Variants in CAPSL observed in about 807,000 individuals in gnomAD.
CAPSL encodes calcyphosine like, also known as calcyphosin-like protein.
A neutral mutation model predicts 21.3 loss-of-function variants in CAPSL; 17 were observed. The ratio of observed to expected loss-of-function variants is 0.80; its 90% CI spans 0.55 to 1.20. The LOEUF is 1.20. Ranked by LOEUF, CAPSL falls within the 50% of genes most tolerant of loss-of-function variation. CAPSL has a pLI of 0.00. For missense variants in CAPSL, 289 were observed against 259.3 expected, an observed-to-expected ratio of 1.11 and a Z score of -0.79; for synonymous variants, 102 against 89.3, an observed-to-expected ratio of 1.14 and a Z score of -0.80.
chr5:35,928,724 G>A (rs1738746626), intron 1 of CAPSL, among the ~76,000 whole-genome samples: 1 of 152,148 alleles, frequency 6.6e-6, no homozygotes, highest in African/African-American at 2.4e-5. Context: ...TAGAGGCCAG[G>A]GATGCTGCTA....
At chr5:35,916,409 C>G (rs1420861220) in intron 2 of CAPSL, among the ~76,000 whole-genome samples, 3 of 152,176 alleles carry the variant, frequency 2.0e-5, no homozygotes, top group Non-Finnish European at 4.4e-5. Context: ...ATTGCCAAGA[C>G]AATCCTAAGA....
chr5:35,926,725 G>A (rs977830534), intron 1 of CAPSL, among the ~76,000 whole-genome samples: 1 of 152,174 alleles, frequency 6.6e-6, no homozygotes, highest in Non-Finnish European at 1.5e-5. Context: ...AAACACAGAA[G>A]GGGATCTTAT....
intron 2 of CAPSL, among the ~76,000 whole-genome samples, chr5:35,918,212 G>A (rs1462618582): frequency 2.0e-5 from 3 of 152,112 alleles, no homozygotes; most frequent in African/African-American, 7.2e-5. Flanking sequence ...CAACTCAAAT[G>A]TCCATCAATG....
At chr5:35,917,051 C>G (rs935060210) in intron 2 of CAPSL, among the ~76,000 whole-genome samples, 1 of 152,100 alleles carries the variant, frequency 6.6e-6, no homozygotes, top group African/African-American at 2.4e-5. Context: ...AAAAAGTGGG[C>G]AAAGGATATG....
intron 2 of CAPSL, among the ~76,000 whole-genome samples, chr5:35,915,244 G>A (rs570594558): frequency 1.2e-3 from 182 of 152,298 alleles, no homozygotes; most frequent in African/African-American, 4.2e-3. Context: ...AAACAGTCCA[G>A]GACCAGAAGG....
chr5:35,933,233 G>A (rs1279888307), intron 1 of CAPSL, among the ~76,000 whole-genome samples: 3 of 152,104 alleles, frequency 2.0e-5, no homozygotes, highest in African/African-American at 4.8e-5. Context: ...CTGCTAAAAG[G>A]GTGGCCTGTG....
intron 1 of CAPSL, among the ~76,000 whole-genome samples, chr5:35,934,559 G>T (rs700171): frequency 1.8e-4 from 28 of 152,320 alleles, no homozygotes; most frequent in East Asian, 1.4e-3. Context: ...AAGATCAGAG[G>T]AGAGGAGGAG....
intron 2 of CAPSL, among the ~76,000 whole-genome samples, chr5:35,918,135 C>T (rs1037652473): frequency 6.6e-6 from 1 of 152,162 alleles, no homozygotes; most frequent in Non-Finnish European, 1.5e-5. Context: ...ATAGATCTTT[C>T]TACTGTAAAG....
chr5:35,938,202 A>T (rs923785325), intron 1 of CAPSL, among the ~76,000 whole-genome samples: 1 of 152,216 alleles, frequency 6.6e-6, no homozygotes, highest in Non-Finnish European at 1.5e-5. Flanking sequence ...GGTCATCAGG[A>T]TCGTTAGAGC....
At position 35,921,008 on chromosome 5, in the gene CAPSL, G is replaced by A. The variant is rs772171488; in HGVS notation, c.113C>T (p.Ser38Phe). 1.9e-6 allele frequency: 3 copies of A among 1,613,958 alleles called. No individual in the cohort carries two copies. In the African/African-American group the frequency reaches 4.0e-5, roughly 22 times the overall value. ...CCTGCCAAGTCCTTTGATCCCAGCA[G>A]AGCCCCTGGCCAGGCACTGCAGTCG... ...RLRLQCLARG[S>F]AGIKGLGRVF... Residue 38 changes from serine to phenylalanine, a missense_variant, in exon 2 of 5, where the codon TCT (serine) becomes TTT (phenylalanine). By Grantham distance (155) the Ser-to-Phe change is radical (BLOSUM62 -2). Coordinates refer to ENST00000651391, the MANE Select transcript of CAPSL (RefSeq NM_001042625.2).
chr5:35,929,277 T>C (rs928214329), intron 1 of CAPSL, among the ~76,000 whole-genome samples: 6 of 121,104 alleles, frequency 5.0e-5, no homozygotes, highest in African/African-American at 1.7e-4. Flanking sequence ...TGAAAACAGT[T>C]CCTTTTTTTT....
At position 35,910,520 on chromosome 5, in the gene CAPSL, T is replaced by C. The variant is rs1738189541; in HGVS notation, c.161A>G (p.Asp54Gly). 1 of 1,608,600 alleles carries C rather than the reference T, an allele frequency of 6.2e-7. No individual in the cohort carries two copies. The highest frequency in any genetic ancestry group is 8.5e-7 in the Non-Finnish European group (1 of 1,176,314). The change falls in exon 3 of 5, where the codon GAT becomes GGT. Residue 54 changes from aspartate (D) to glycine (G), a missense_variant. Physicochemically the swap from Asp to Gly is moderately conservative, Grantham distance 94 (BLOSUM62 -1). Coordinates refer to ENST00000651391, the MANE Select transcript of CAPSL (RefSeq NM_001042625.2). ...TTTAAAATCAAGGGTTCGATTATTA[T>C]CGTCATCCATAATTCTAAACACTCT... ...LGRVFRIMDD[D>G]NNRTLDFKEF...
chr5:35,924,197 G>A (rs979842232), intron 1 of CAPSL, among the ~76,000 whole-genome samples: 3 of 152,162 alleles, frequency 2.0e-5, no homozygotes, highest in Non-Finnish European at 4.4e-5. Flanking sequence ...ATGACTCACA[G>A]TAATCCACAT....
intron 2 of CAPSL, among the ~76,000 whole-genome samples, chr5:35,919,223 C>T (rs569997262): frequency 1.4e-5 from 2 of 146,430 alleles, no homozygotes; most frequent in African/African-American, 5.1e-5. Flanking sequence ...ATCTCAGGAA[C>T]GGATAGCATT....
chr5:35,932,026 G>A (rs963627994), intron 1 of CAPSL, among the ~76,000 whole-genome samples: 7 of 152,154 alleles, frequency 4.6e-5, no homozygotes, highest in Non-Finnish European at 8.8e-5. Flanking sequence ...CAGTCCCTTA[G>A]AATGAATGCT....
chr5:35,934,830 C>T (rs573443449), intron 1 of CAPSL, among the ~76,000 whole-genome samples: 1 of 152,288 alleles, frequency 6.6e-6, no homozygotes, highest in Admixed American at 6.5e-5. Flanking sequence ...CTTCATTAAA[C>T]TCTTTTCTGT....
intron 1 of CAPSL, among the ~76,000 whole-genome samples, chr5:35,926,642 C>T (rs1033502877): frequency 2.0e-5 from 3 of 152,118 alleles, no homozygotes; most frequent in African/African-American, 7.2e-5. Flanking sequence ...CTTTGGTGCT[C>T]CCTGGTGGCA....
At chr5:35,909,614 C>T (rs1368391880) in intron 4 of CAPSL, among the ~76,000 whole-genome samples, 1 of 152,140 alleles carries the variant, frequency 6.6e-6, no homozygotes, top group Non-Finnish European at 1.5e-5. Context: ...TTATGTGGAT[C>T]CCCTACCAAT....
intron 4 of CAPSL, among the ~76,000 whole-genome samples, chr5:35,904,925 C>T (rs141746552): frequency 2.0e-5 from 3 of 152,218 alleles, no homozygotes; most frequent in African/African-American, 4.8e-5. Flanking sequence ...GGGAGCCCGT[C>T]GGTTCAGGTA....
Sources: allele counts gnomAD v4.1 joint callset (sites outside exome capture counted in the v4.1 genomes callset), GRCh38; gene constraint gnomAD v4.1.1; transcripts MANE v1.5; gene names NCBI Gene and HGNC (gene_info 2026-07-23, HGNC 2026-07-21).